Variants in TCF12 observed in about 807,000 individuals in gnomAD.
The protein encoded by TCF12 is transcription factor 12, also known as DNA-binding protein HTF4.
Under a neutral mutation model 86.0 loss-of-function variants are expected in TCF12, and 45 were observed. The observed-to-expected ratio is 0.52, with a 90% CI of 0.41 to 0.67. The LOEUF (loss-of-function observed/expected upper bound fraction) is 0.67. TCF12 is among the 30% of genes least tolerant of loss of function. The pLI, the probability that TCF12 is intolerant of heterozygous loss-of-function variation, is 0.00. For missense variants in TCF12, 881 were observed against 859.9 expected (o/e 1.02, Z -0.31); for synonymous variants, 330 against 299.6 (o/e 1.10, Z -1.05).
chr15:57,063,254 A>G (rs573075583), intron 3 of TCF12, among the ~76,000 whole-genome samples: 3 of 152,334 alleles, frequency 2.0e-5, no homozygotes, highest in South Asian at 2.1e-4. Context: ...GATATGGTTG[A>G]TATAGTTAGA....
At chr15:57,056,261 C>T (rs1034882703) in intron 3 of TCF12, among the ~76,000 whole-genome samples, 4 of 151,894 alleles carry the variant, frequency 2.6e-5, no homozygotes, top group Non-Finnish European at 4.4e-5. Context: ...CTGCCTCAGC[C>T]TCCTGAGTAG....
At chr15:57,029,761 C>T (rs537897894) in intron 3 of TCF12, among the ~76,000 whole-genome samples, 3 of 152,220 alleles carry the variant, frequency 2.0e-5, no homozygotes, top group Non-Finnish European at 2.9e-5. Context: ...CCCTGGCAGC[C>T]ATTGATCTGT....
At chr15:56,918,393 G>C (rs1458130574), upstream of TCF12, 2 of 368,728 alleles carry the variant, frequency 5.4e-6, no homozygotes, top group African/African-American at 2.1e-5. Flanking sequence ...CCCGGACGAG[G>C]CTTCGTCGGC....
rs2057344071 is a variant in TCF12, at chr15:57,197,785, C to T, written c.539C>T (p.Ala180Val). 1.2e-6 allele frequency: 2 copies of T among 1,613,460 alleles called. No homozygotes were observed. Among genetic ancestry groups the T allele is most frequent in the African/African-American group, 1.3e-5 (1 of 74,834 alleles). The part of the protein sequence containing the change: ...HDSAALDPLQ[A>V]KKVRKVPPGL... The stretch of plus-strand genomic sequence containing the variant: ...TTTCCATCTGCAGATCCCTTGCAAG[C>T]AAAAAAAGTCAGAAAGGTGCCTCCT... Residue 180 changes from alanine (A) to valine (V), a missense_variant, in exon 8 of 21, where the codon GCA becomes GTA. Ala to Val is a moderately conservative substitution (Grantham distance 64). Transcript: ENST00000333725.
At chr15:57,041,197 A>C (rs1482074483) in intron 3 of TCF12, among the ~76,000 whole-genome samples, 2 of 152,220 alleles carry the variant, frequency 1.3e-5, no homozygotes, top group Admixed American at 1.3e-4. Flanking sequence ...AGTACAATAA[A>C]GATTAAAAGA....
At chr15:57,150,735 T>C (rs1462326486) in intron 5 of TCF12, among the ~76,000 whole-genome samples, 2 of 152,120 alleles carry the variant, frequency 1.3e-5, no homozygotes, top group Non-Finnish European at 1.5e-5. Flanking sequence ...TAAAATGGCT[T>C]TTATAAATAC....
At chr15:57,198,178 A>G (rs2057366151) in intron 8 of TCF12, among the ~76,000 whole-genome samples, 1 of 152,208 alleles carries the variant, frequency 6.6e-6, no homozygotes, top group Admixed American at 6.5e-5. Context: ...GACAGAGATT[A>G]ATAGCTGAAA....
intron 13 of TCF12, among the ~76,000 whole-genome samples, chr15:57,249,491 C>T (rs1487631416): frequency 6.6e-6 from 1 of 151,544 alleles, no homozygotes; most frequent in Non-Finnish European, 1.5e-5. Flanking sequence ...GTAATTATAA[C>T]AGTATGCATA....
chr15:56,973,848 A>G (rs1489443864), intron 3 of TCF12, among the ~76,000 whole-genome samples: 1 of 152,150 alleles, frequency 6.6e-6, no homozygotes, highest in Non-Finnish European at 1.5e-5. Flanking sequence ...CCTGATATAG[A>G]GCACTGAGAA....
intron 5 of TCF12, among the ~76,000 whole-genome samples, chr15:57,097,525 TA>T (rs1473834498): frequency 3.3e-5 from 5 of 151,666 alleles, no homozygotes; most frequent in African/African-American, 9.7e-5. Flanking sequence ...AACCCTGTCT[TA>T]AAAAAAATAA....
intron 3 of TCF12, among the ~76,000 whole-genome samples, chr15:57,002,283 C>T (rs1320262299): frequency 1.3e-5 from 2 of 152,154 alleles, no homozygotes; most frequent in Non-Finnish European, 2.9e-5. Context: ...ACACTTCTTG[C>T]ACATCTTACT....
chr15:57,131,060 G>A (rs1394027956), intron 5 of TCF12, among the ~76,000 whole-genome samples: 3 of 152,130 alleles, frequency 2.0e-5, no homozygotes, highest in African/African-American at 7.2e-5. Context: ...TTTTCAGAGC[G>A]TTATTGTCAG....
chr15:57,109,175 T>G (rs1381765060), intron 5 of TCF12: 1 of 152,190 alleles, frequency 6.6e-6, no homozygotes, highest in African/African-American at 2.4e-5. Flanking sequence ...TTATCTACTG[T>G]GAAGCCCACT....
At chr15:57,276,355 A>G (rs1350061160) in intron 19 of TCF12, among the ~76,000 whole-genome samples, 2 of 152,228 alleles carry the variant, frequency 1.3e-5, no homozygotes, top group Non-Finnish European at 2.9e-5. Context: ...ATAATACTGC[A>G]ATCTTTCCTA....
At chr15:57,090,822 A>G (rs555480101) in intron 4 of TCF12, among the ~76,000 whole-genome samples, 3 of 152,292 alleles carry the variant, frequency 2.0e-5, no homozygotes, top group African/African-American at 7.2e-5. Flanking sequence ...AGAGATATAT[A>G]TGACCTGCAG....
chr15:57,082,440 A>G (rs928831159), intron 4 of TCF12, among the ~76,000 whole-genome samples: 1 of 152,210 alleles, frequency 6.6e-6, no homozygotes, highest in Non-Finnish European at 1.5e-5. Flanking sequence ...TGAACCGAAG[A>G]GGCTAGCAAA....
At chr15:56,929,696 A>C (rs2060163789) in intron 3 of TCF12, among the ~76,000 whole-genome samples, 1 of 152,174 alleles carries the variant, frequency 6.6e-6, no homozygotes. Flanking sequence ...GAAACCTTCA[A>C]AATAATATAA....
intron 3 of TCF12, among the ~76,000 whole-genome samples, chr15:57,021,318 G>A (rs1266367410): frequency 1.3e-5 from 2 of 152,204 alleles, no homozygotes; most frequent in African/African-American, 2.4e-5. Flanking sequence ...GGGAAGGCAT[G>A]GGTAAGCTCT....
rs553184976 is a variant in TCF12, at chr15:57,230,228, A to T, written c.580-924A>T. On this transcript the variant is annotated intron_variant, in intron 8 of 20. Transcript: ENST00000333725. ...ACACTTAAAATTTTTATTTTGTTGA[A>T]TTTTTTGTATCATTTCAAACTAAAA... 6.6e-5 allele frequency among the ~76,000 whole-genome samples: 10 copies of T among 151,970 alleles called. No individual in the cohort carries two copies. In the South Asian group the frequency reaches 1.0e-3, roughly 16 times the overall value.
Sources: gnomAD v4.1 joint callset for allele counts (sites outside exome capture counted in the v4.1 genomes callset) on GRCh38, gnomAD v4.1.1 for gene constraint, MANE v1.5 for transcripts, NCBI Gene and HGNC (gene_info 2026-07-23, HGNC 2026-07-21) for gene names.